AFG1L: variants seen among roughly 807,000 people sequenced by gnomAD.
AFG1L encodes the protein AFG1 like ATPase.
AFG1L carries 53 observed loss-of-function variants against 62.2 expected under a neutral mutation model. That is an observed-to-expected ratio of 0.85 (90% CI 0.68 to 1.07). The LOEUF (loss-of-function observed/expected upper bound fraction) is 1.07. Among genes scored for constraint, AFG1L ranks in the 50% least tolerant of loss-of-function variants. The pLI is 0.00. For synonymous variants in AFG1L, 228 were observed against 210.3 expected (o/e 1.08, Z -0.73); for missense variants, 555 against 590.5 (o/e 0.94, Z 0.62).
chr6:108,386,715 A>G (rs1780781761), intron 6 of AFG1L, among the ~76,000 whole-genome samples: 1 of 152,218 alleles, frequency 6.6e-6, no homozygotes, highest in Admixed American at 6.5e-5. Context: ...GTGTTGTCTT[A>G]TAGAGTTTAT....
chr6:108,297,350 C>T (rs1267519949), intron 1 of AFG1L, among the ~76,000 whole-genome samples: 6 of 152,016 alleles, frequency 3.9e-5, no homozygotes, highest in Non-Finnish European at 7.4e-5. Flanking sequence ...TCAGGTGATC[C>T]GGAGCCTCGG....
intron 11 of AFG1L, among the ~76,000 whole-genome samples, chr6:108,512,033 G>A (rs1774672993): frequency 6.6e-6 from 1 of 152,176 alleles, no homozygotes. Flanking sequence ...CTATGGGGTG[G>A]GAAATCCTCT....
intron 6 of AFG1L, among the ~76,000 whole-genome samples, chr6:108,380,789 C>T (rs1359643562): frequency 6.6e-6 from 1 of 152,172 alleles, no homozygotes; most frequent in Non-Finnish European, 1.5e-5. Context: ...AACTCTCGGG[C>T]TTGGGAGAAG....
Position 108,381,063 on chromosome 6 carries a change from G to A in AFG1L, c.748+14731G>A, listed in dbSNP as rs115757732. Reference sequence around the variant, plus strand: ...TTGCTATTTCCAAGTGTCTGAGGCAGGCTGAAAGCCGCTAATCCACCATCT... The same window carrying A: ...TTGCTATTTCCAAGTGTCTGAGGCAAGCTGAAAGCCGCTAATCCACCATCT... On this transcript the variant is annotated intron_variant, in intron 6 of 12. Transcript: ENST00000368977. Among the ~76,000 whole-genome samples the A allele has an allele frequency of 2.0e-3, 303 of 152,328 alleles. 2 individuals are homozygous for A. The highest frequency in any genetic ancestry group is 6.8e-3 in the African/African-American group (282 of 41,570).
Position 108,447,257 on chromosome 6 carries a change from G to T in AFG1L, c.851G>T (p.Arg284Leu), listed in dbSNP as rs748534709. 1 of 1,608,718 alleles carries T rather than the reference G, an allele frequency of 6.2e-7. No individual in the cohort carries two copies. Reference protein sequence around the residue: ...TVQLDSGIDYRKRELPAAGKL... With the variant: ...TVQLDSGIDYLKRELPAAGKL... ...CAGCTAGATTCTGGGATAGATTACC[G>T]GAAAAGGGAACTTCCTGCTGCAGGA... Residue 284 changes from arginine (R) to leucine (L), a missense_variant, in exon 8 of 13, where the codon CGG becomes CTG. Physicochemically the swap from Arg to Leu is moderately radical, Grantham distance 102. Coordinates refer to ENST00000368977, the MANE Select transcript of AFG1L (RefSeq NM_145315.5).
intron 8 of AFG1L, among the ~76,000 whole-genome samples, chr6:108,458,372 G>A (rs185356850): frequency 7.4e-4 from 113 of 152,062 alleles, no homozygotes; most frequent in Non-Finnish European, 1.1e-3. Flanking sequence ...TTCATTTTGG[G>A]TAGTTTCTTT....
At chr6:108,323,784 T>C in intron 1 of AFG1L, 41 bp from the exon 2 acceptor site, 1 of 1,440,420 alleles carries the variant, frequency 6.9e-7, no homozygotes, top group Non-Finnish European at 9.7e-7. Context: ...ACTGTGAAAA[T>C]GTATTTAAGA....
At chr6:108,397,990 A>G (rs1003298616) in intron 6 of AFG1L, among the ~76,000 whole-genome samples, 1 of 152,170 alleles carries the variant, frequency 6.6e-6, no homozygotes, top group Non-Finnish European at 1.5e-5. Context: ...TTGCTGGATC[A>G]TGTAGTAGCT....
chr6:108,379,909 G>A (rs1327255738), intron 6 of AFG1L, among the ~76,000 whole-genome samples: 1 of 152,008 alleles, frequency 6.6e-6, no homozygotes. Flanking sequence ...TTGTGAGGCA[G>A]AGAGGGCCTC....
At chr6:108,454,257 C>T (rs1434217685) in intron 8 of AFG1L, among the ~76,000 whole-genome samples, 1 of 152,180 alleles carries the variant, frequency 6.6e-6, no homozygotes, top group East Asian at 1.9e-4. Context: ...AAAAATACCA[C>T]ACAGTTTAAG....
intron 6 of AFG1L, among the ~76,000 whole-genome samples, chr6:108,397,394 G>A (rs923925768): frequency 5.9e-5 from 9 of 152,088 alleles, no homozygotes; most frequent in African/African-American, 1.7e-4. Flanking sequence ...CTCCCAAAGT[G>A]CTGGGATTAT....
At chr6:108,342,042 A>T (rs1778702333) in intron 2 of AFG1L, among the ~76,000 whole-genome samples, 1 of 152,172 alleles carries the variant, frequency 6.6e-6, no homozygotes, top group Admixed American at 6.5e-5. Flanking sequence ...CAAACAAGGG[A>T]TGGAAGGGCA....
chr6:108,432,407 A>T (rs1771117214), intron 7 of AFG1L, among the ~76,000 whole-genome samples: 1 of 152,090 alleles, frequency 6.6e-6, no homozygotes, highest in Non-Finnish European at 1.5e-5. Flanking sequence ...TACTCTTCTC[A>T]GTTTATTCAA....
At chr6:108,447,584 G>A (rs1365021182) in intron 8 of AFG1L, among the ~76,000 whole-genome samples, 1 of 152,106 alleles carries the variant, frequency 6.6e-6, no homozygotes, top group Non-Finnish European at 1.5e-5. Flanking sequence ...ATTATTACGA[G>A]AATATCTTTA....
intron 7 of AFG1L, among the ~76,000 whole-genome samples, chr6:108,432,530 A>C (rs962528772): frequency 6.6e-6 from 1 of 152,156 alleles, no homozygotes; most frequent in Non-Finnish European, 1.5e-5. Flanking sequence ...AGTTATTGCC[A>C]CCAATCTCTA....
At chr6:108,356,642 TA>T in intron 4 of AFG1L, 47 bp from the exon 5 acceptor site, 1 of 1,323,252 alleles carries the variant, frequency 7.6e-7, no homozygotes, top group African/African-American at 1.5e-5. Flanking sequence ...TATAATTGTC[TA>T]AAAAGTACTA....
Position 108,523,174 on chromosome 6 carries a change from C to CGGGGGGGGGGGGGGGGG in AFG1L, c.*756_*757insGGGGGGGGGGGGGGGGG, listed in dbSNP as rs558537521. 1.7e-4 allele frequency: 1 copy of CGGGGGGGGGGGGGGGGG among 5,970 alleles called. No homozygotes were observed. The highest frequency in any genetic ancestry group is 2.2e-3 in the Admixed American group (1 of 446). 0.4% of individuals were successfully genotyped at this position (5,970 alleles called of 1,614,324 possible). A position where few individuals can be genotyped will look rare whatever the true frequency, so the allele number is the denominator to read the frequency against. On this transcript the variant is annotated 3_prime_UTR_variant, in exon 13 of 13. Transcript: ENST00000368977. ...ATGGGGACCAGTGAGAGAGTGTGGG[C>CGGGGGGGGGGGGGGGGG]GGGGGGGTGGGTGTCAGAGTCGTAG...
Position 108,499,576 on chromosome 6 carries a change from C to CAA in AFG1L, c.1063-10616_1063-10615dup, listed in dbSNP as rs1229508414. Among the ~76,000 whole-genome samples the CAA allele has an allele frequency of 3.9e-3, 230 of 59,218 alleles. 2 individuals are homozygous for CAA. Among genetic ancestry groups the CAA allele is most frequent in the African/African-American group, 0.01 (157 of 15,580 alleles). 38.8% of individuals were successfully genotyped at this position (59,218 alleles called of 152,430 possible). A position where few individuals can be genotyped will look rare whatever the true frequency, so the allele number is the denominator to read the frequency against. ...CAGCATAGCAAGACCTCATCTCTACCAAAAAAAAAAAAAAAAAAAAAGCTG... is the reference window on the plus strand; with the variant it reads ...CAGCATAGCAAGACCTCATCTCTACCAAAAAAAAAAAAAAAAAAAAAAAGCTG... On this transcript the variant is annotated intron_variant, in intron 10 of 12. Transcript: ENST00000368977.
chr6:108,407,711 A>T (rs1347914219), intron 7 of AFG1L, among the ~76,000 whole-genome samples: 2 of 151,158 alleles, frequency 1.3e-5, no homozygotes, highest in South Asian at 4.2e-4. Context: ...AAAAAAATCA[A>T]TCCCACAGGA....
Sources: gnomAD v4.1 joint callset for allele counts (sites outside exome capture counted in the v4.1 genomes callset) on GRCh38, gnomAD v4.1.1 for gene constraint, MANE v1.5 for transcripts, NCBI Gene and HGNC (gene_info 2026-07-23, HGNC 2026-07-21) for gene names.